CACNA1E: variants seen among roughly 807,000 people sequenced by gnomAD.
The protein encoded by CACNA1E is calcium voltage-gated channel subunit alpha1 E, also known as voltage-dependent R-type calcium channel subunit alpha-1E.
Under a neutral mutation model 259.2 loss-of-function variants are expected in CACNA1E, and 40 were observed. The observed-to-expected ratio is 0.15, with a 90% confidence interval of 0.12 to 0.20. The LOEUF is 0.20. Ranked by LOEUF, CACNA1E falls within the 10% of genes least tolerant of loss-of-function variation. The pLI, the probability that CACNA1E is intolerant of heterozygous loss-of-function variation, is 1.00. For synonymous variants in CACNA1E, 1,104 were observed against 1,138.5 expected, an observed-to-expected ratio of 0.97 and a Z score of 0.61; for missense variants, 1,874 against 3,040.1, an observed-to-expected ratio of 0.62 and a Z score of 9.02.
chr1:181,778,868 A>G (rs1660182576), intron 38 of CACNA1E, among the ~76,000 whole-genome samples: 1 of 152,172 alleles, frequency 6.6e-6, no homozygotes, highest in African/African-American at 2.4e-5. Context: ...AATCTGTCAC[A>G]AAGAGAAACA....
chr1:181,335,837 C>T (rs569827520), intron 1 of CACNA1E, among the ~76,000 whole-genome samples: 4 of 152,316 alleles, frequency 2.6e-5, no homozygotes, highest in South Asian at 2.1e-4. Context: ...GAGGCTGACA[C>T]CCTGGAGCCT....
In CACNA1E at chr1:181,372,825, TATA is replaced by T. The variant is rs763952825; in HGVS notation, c.-14-40307_-14-40305del. Among the ~76,000 whole-genome samples the T allele has an allele frequency of 9.0e-3, 1,193 of 132,106 alleles. 12 individuals carry two copies. Among genetic ancestry groups the T allele is most frequent in the African/African-American group, 0.027 (865 of 32,392 alleles). The allele number at this position is 132,106 out of a possible 152,430, so 86.7% of individuals were successfully genotyped here. A position where few individuals can be genotyped will look rare whatever the true frequency, so the allele number is the denominator to read the frequency against. ...GGGATGTTGAATATATATATATATA[TATA>T]TTTTTTTTTTAACATGAAGGGATAT... On this transcript the variant is annotated intron_variant, in intron 1 of 11. Transcript: ENST00000524607.
intron 6 of CACNA1E, among the ~76,000 whole-genome samples, chr1:181,599,197 T>G (rs941316790): frequency 2.6e-5 from 4 of 152,092 alleles, no homozygotes; most frequent in Non-Finnish European, 5.9e-5. Flanking sequence ...CTCCCACTTA[T>G]AAGTGAGAAC....
At chr1:181,680,525 A>T (rs924164282) in intron 7 of CACNA1E, among the ~76,000 whole-genome samples, 1 of 152,140 alleles carries the variant, frequency 6.6e-6, no homozygotes, top group Non-Finnish European at 1.5e-5. Flanking sequence ...CCACCCGCAC[A>T]TGTTCTCTCA....
intron 1 of CACNA1E, among the ~76,000 whole-genome samples, chr1:181,495,266 T>C (rs1023888867): frequency 2.0e-5 from 3 of 148,844 alleles, no homozygotes; most frequent in African/African-American, 7.4e-5. Flanking sequence ...ATGGAAGCTT[T>C]AGGGTATTAG....
intron 9 of CACNA1E, 104 bp downstream of exon 9, chr1:181,715,495 TG>T: frequency 1.4e-6 from 1 of 695,256 alleles, no homozygotes. Flanking sequence ...GATGGTGTTC[TG>T]GGATTGGAAA....
intron 7 of CACNA1E, among the ~76,000 whole-genome samples, chr1:181,663,057 A>G (rs1647848041): frequency 6.6e-6 from 1 of 152,168 alleles, no homozygotes; most frequent in South Asian, 2.1e-4. Flanking sequence ...TCATTTTACA[A>G]TTAGTATTAA....
chr1:181,412,945 G>A (rs1250992000), intron 1 of CACNA1E, among the ~76,000 whole-genome samples: 1 of 152,190 alleles, frequency 6.6e-6, no homozygotes, highest in Non-Finnish European at 1.5e-5. Flanking sequence ...ATCATTTATC[G>A]AGCTCCACTG....
rs1323532942 is a variant in CACNA1E at position 181,732,686 on chromosome 1, T to C, written c.2600T>C (p.Leu867Pro). 6.5e-7 allele frequency: 1 copy of C among 1,530,300 alleles called. No individual in the cohort carries two copies. Among genetic ancestry groups the C allele is most frequent in the African/African-American group, 1.4e-5 (1 of 72,206 alleles). 94.8% of individuals were successfully genotyped at this position (1,530,300 alleles called of 1,614,324 possible). A position where few individuals can be genotyped will look rare whatever the true frequency, so the allele number is the denominator to read the frequency against. ...KGDGGDRSSA[L>P]DNQRTPLSLG... The stretch of plus-strand genomic sequence containing the variant: ...GATGGAGGGGACCGATCCAGTGCCC[T>C]GGACAACCAGAGGACCCCTTTGTCC... The change falls in exon 20 of 48, where the codon CTG (leucine) becomes CCG (proline). Residue 867 changes from leucine (L) to proline (P), a missense_variant. By Grantham distance (98) the Leu-to-Pro change is moderately conservative. Coordinates refer to ENST00000367573, the MANE Select transcript of CACNA1E (RefSeq NM_001205293.3). This position sits in a 1 kb window ranked among gnomAD's most constrained non-coding sequence, Gnocchi z 5.5.
At chr1:181,545,189 G>A (rs1418189169) in intron 3 of CACNA1E, among the ~76,000 whole-genome samples, 1 of 152,188 alleles carries the variant, frequency 6.6e-6, no homozygotes, top group East Asian at 1.9e-4. Flanking sequence ...ACTCCCAGAA[G>A]GAGGGGATGA....
chr1:181,717,721 TG>T (rs1468022874), intron 11 of CACNA1E, among the ~76,000 whole-genome samples: 1 of 152,134 alleles, frequency 6.6e-6, no homozygotes, highest in African/African-American at 2.4e-5. Context: ...GTCAGGGGCC[TG>T]TCCCTGCCAG....
chr1:181,773,071 TA>T (rs1474264389), intron 37 of CACNA1E, among the ~76,000 whole-genome samples: 1 of 152,224 alleles, frequency 6.6e-6, no homozygotes. Flanking sequence ...TACAAAAACC[TA>T]AAACTAAGAC....
intron 7 of CACNA1E, among the ~76,000 whole-genome samples, chr1:181,676,630 A>G (rs1004059412): frequency 2.0e-5 from 3 of 152,178 alleles, no homozygotes; most frequent in Admixed American, 2.0e-4. Context: ...TCCTTAGTAT[A>G]TATGTGCTCC....
intron 7 of CACNA1E, among the ~76,000 whole-genome samples, chr1:181,670,735 A>G (rs1037082710): frequency 6.6e-6 from 1 of 152,164 alleles, no homozygotes; most frequent in Non-Finnish European, 1.5e-5. Flanking sequence ...TTAAAGTAGG[A>G]CATGACTTCC....
chr1:181,654,982 C>CAAAAAAAAA (rs1208750325), intron 7 of CACNA1E, among the ~76,000 whole-genome samples: 95 of 53,028 alleles, frequency 1.8e-3, no homozygotes, highest in East Asian at 4.8e-3. Context: ...GACTCCATCT[C>CAAAAAAAAA]AAAAAAAAAA....
chr1:181,649,898 T>G (rs1269888131), intron 6 of CACNA1E, among the ~76,000 whole-genome samples: 3 of 152,168 alleles, frequency 2.0e-5, no homozygotes, highest in African/African-American at 7.2e-5. Context: ...AAGCAGCTAT[T>G]GGGTACTAGG....
intron 2 of CACNA1E, among the ~76,000 whole-genome samples, chr1:181,436,528 C>G (rs549140754): frequency 5.7e-4 from 87 of 152,240 alleles, no homozygotes; most frequent in African/African-American, 2.1e-3. Flanking sequence ...ATACTTTCAG[C>G]CTTAGAAAGA....
chr1:181,732,805 ACCTTTGAGGACCGGG>A lies in CACNA1E; in HGVS notation c.2722_2736del (p.Phe908_Ala912del). The A allele has an allele frequency of 6.2e-7, 1 of 1,605,894 alleles. No individual in the cohort carries two copies. Among genetic ancestry groups the A allele is most frequent in the Non-Finnish European group, 8.5e-7 (1 of 1,175,468 alleles). On this transcript the variant is annotated inframe_deletion, in exon 20 of 48. Transcript: ENST00000367573. The surrounding 1 kb of genome is among the most constrained non-coding windows in gnomAD (Gnocchi z 5.5). ...GGCAGGGGGAGGAGAGGCTGTGGTG[ACCTTTGAGGACCGGG>A]CCAGGCACAGGCAGAGCCAACGGCG...
chr1:181,662,340 A>G (rs1210805061), intron 7 of CACNA1E, among the ~76,000 whole-genome samples: 1 of 152,338 alleles, frequency 6.6e-6, no homozygotes, highest in South Asian at 2.1e-4. Context: ...GTTTGTAGAC[A>G]GCTATTTAGT....
Sources: gnomAD v4.1 joint callset for allele counts (sites outside exome capture counted in the v4.1 genomes callset) on GRCh38, gnomAD v4.1.1 for gene constraint, Gnocchi (gnomAD v3.1) non-coding constraint, MANE v1.5 for transcripts, NCBI Gene and HGNC (gene_info 2026-07-23, HGNC 2026-07-21) for gene names.